The following SYNC variants were observed in gnomAD, a reference collection of about 807,000 sequenced individuals.
SYNC encodes the protein syncoilin.
SYNC carries 38 observed loss-of-function variants against 49.5 expected under a neutral mutation model. That is an observed-to-expected ratio of 0.77 (90% CI 0.59 to 1.01). The LOEUF is 1.01. SYNC is among the 50% of genes least tolerant of loss of function. The pLI is 0.00. For missense variants in SYNC, 579 were observed against 580.6 expected (o/e 1.00, Z 0.03); for synonymous variants, 201 against 230.8 (o/e 0.87, Z 1.17).
rs113016835 is a variant in SYNC, at chr1:32,681,557, T to G, written c.*293A>C. On this transcript the variant is annotated 3_prime_UTR_variant, in exon 5 of 5. Coordinates refer to ENST00000409190, the MANE Select transcript of SYNC (RefSeq NM_030786.3). ...ATTCATCCTTCACTCAGTGCATATGTGAGGGTTGTTGCTGGAAGACAGGAG... is the reference window on the plus strand; with the variant it reads ...ATTCATCCTTCACTCAGTGCATATGGGAGGGTTGTTGCTGGAAGACAGGAG... 7.4e-6 allele frequency: 4 copies of G among 540,678 alleles called. No individual in the cohort carries two copies. Among genetic ancestry groups the G allele is most frequent in the African/African-American group, 5.7e-5 (3 of 52,476 alleles). The allele number at this position is 540,678 out of a possible 1,614,324, so 33.5% of individuals were successfully genotyped here. A position where few individuals can be genotyped will look rare whatever the true frequency, so the allele number is the denominator to read the frequency against.
At chr1:32,685,793 A>G (rs1030327661) in intron 2 of SYNC, 1 of 152,244 alleles carries the variant, frequency 6.6e-6, no homozygotes, top group East Asian at 1.9e-4. Context: ...AAGCTGTGAC[A>G]GAGTGGAACA....
In SYNC at chr1:32,681,857, GC is replaced by G; in HGVS notation, c.1441del (p.Ala481LeufsTer10). 6.2e-7 allele frequency: 1 copy of G among 1,614,100 alleles called. No individual in the cohort carries two copies. The highest frequency in any genetic ancestry group is 8.5e-7 in the Non-Finnish European group (1 of 1,179,974). On this transcript the variant is annotated frameshift_variant and splice_region_variant, in exon 5 of 5. Coordinates refer to ENST00000409190, the MANE Select transcript of SYNC (RefSeq NM_030786.3). LOFTEE classifies it high-confidence loss of function. The part of the protein sequence containing the change: ...AGGMETQSQG[A>X]V ...AGATTTGGCCATATATTTCTAAACA[GC>G]CCCTGTAAAGTTGAAAGAAAAAGTT...
chr1:32,698,852 C>A (rs1304379942), intron 1 of SYNC, among the ~76,000 whole-genome samples: 1 of 150,810 alleles, frequency 6.6e-6, no homozygotes, highest in Non-Finnish European at 1.5e-5. Context: ...ATGATCATAG[C>A]TCACTGCAGC....
intron 2 of SYNC, chr1:32,686,316 C>G (rs1369915942): frequency 6.6e-6 from 1 of 152,184 alleles, no homozygotes; most frequent in Non-Finnish European, 1.5e-5. Context: ...CAACTCAGAT[C>G]TGTGTGCCTG....
rs765678917 is a variant in SYNC, at chr1:32,695,285, G to A, written c.813C>T (p.Ala271=). Residue 271 remains alanine, a synonymous_variant, in exon 2 of 5, where the codon GCC becomes GCT. Coordinates refer to ENST00000409190, the MANE Select transcript of SYNC (RefSeq NM_030786.3). Reference sequence around the variant, plus strand: ...TTGTAGTCAGCACTTCCCGGAAATCGGCAAACTGAGCCACGTCCTGCTGGC... The same window carrying A: ...TTGTAGTCAGCACTTCCCGGAAATCAGCAAACTGAGCCACGTCCTGCTGGC... ...ECRQQDVAQF[A]DFREVLTTRA... 4.3e-5 allele frequency: 66 copies of A among 1,551,478 alleles called. No homozygotes were observed. The highest frequency in any genetic ancestry group is 1.2e-4 in the Admixed American group (6 of 50,930).
Position 32,695,551 on chromosome 1 carries a change from C to T in SYNC, c.547G>A (p.Val183Ile). The change falls in exon 2 of 5, where the codon GTC becomes ATC. Residue 183 changes from valine to isoleucine, a missense_variant. By Grantham distance (29) the Val-to-Ile change is conservative (BLOSUM62 3). Transcript: ENST00000409190. The stretch of plus-strand genomic sequence containing the variant: ...TCTTCCAGCTGGGCCACAGCTTGGA[C>T]ACACTGCTGGAAACGCCCCTCTAGC... ...ELLEGRFQQC[V>I]QAVAQLEEER... 1 of 1,551,498 alleles carries T rather than the reference C, an allele frequency of 6.4e-7. No homozygotes were observed.
chr1:32,693,080 T>TG lies in SYNC; in HGVS notation c.1233+1784dup, dbSNP rs1553200327. 9.6e-3 allele frequency among the ~76,000 whole-genome samples: 1,318 copies of TG among 137,938 alleles called. 11 individuals are homozygous for TG. Among genetic ancestry groups the TG allele is most frequent in the Admixed American group, 0.017 (227 of 13,660 alleles). 90.5% of individuals were successfully genotyped at this position (137,938 alleles called of 152,430 possible). The stretch of plus-strand genomic sequence containing the variant: ...AAAACCACAGTGTTTTTTTTTTGTT[T>TG]GTTTGTTTTTGTTTGTTTTTGAGAT... On this transcript the variant is annotated intron_variant, in intron 2 of 4. Transcript: ENST00000409190.
chr1:32,695,392 T>G lies in SYNC; in HGVS notation c.706A>C (p.Arg236=). ...TGCTTGACCAGCCGGATCTCCTCCC[T>G]TAGGCCATCTCTCTCCAGCTCTGCT... ...AQAELERDGL[R]EEIRLVKQKL... Residue 236 remains arginine, a synonymous_variant, in exon 2 of 5, where the codon AGG becomes CGG. Transcript: ENST00000409190. 1 of 1,551,752 alleles carries G rather than the reference T, an allele frequency of 6.4e-7. No homozygotes were observed. The highest frequency in any genetic ancestry group is 2.4e-5 in the East Asian group (1 of 40,832).
chr1:32,697,267 C>T (rs1207257995), intron 1 of SYNC, among the ~76,000 whole-genome samples: 1 of 151,000 alleles, frequency 6.6e-6, no homozygotes, highest in African/African-American at 2.4e-5. Flanking sequence ...CATGGAGAAA[C>T]CCCATCTCTA....
intron 2 of SYNC, among the ~76,000 whole-genome samples, chr1:32,688,949 T>C (rs151165730): frequency 1.3e-5 from 2 of 151,202 alleles, no homozygotes; most frequent in East Asian, 2.0e-4. Context: ...ACTTTTTTTT[T>C]TCTTTTCTGA....
chr1:32,688,682 G>T (rs1650010602), intron 2 of SYNC, among the ~76,000 whole-genome samples: 1 of 150,442 alleles, frequency 6.6e-6, no homozygotes. Context: ...CACCTTGCGG[G>T]TTCAGGCAAT....
At chr1:32,700,155 T>A (rs563704949) in intron 1 of SYNC, among the ~76,000 whole-genome samples, 2 of 152,128 alleles carry the variant, frequency 1.3e-5, no homozygotes, top group Admixed American at 6.5e-5. Context: ...CAGCTGAGAA[T>A]TGCAGCTTCT....
intron 2 of SYNC, among the ~76,000 whole-genome samples, chr1:32,689,200 T>G (rs1650038286): frequency 6.9e-6 from 1 of 145,688 alleles, no homozygotes; most frequent in Non-Finnish European, 1.5e-5. Context: ...CCTCCCAAAG[T>G]GCTGGGATTA....
chr1:32,688,641 G>A (rs912456270), intron 2 of SYNC, among the ~76,000 whole-genome samples: 2 of 152,318 alleles, frequency 1.3e-5, no homozygotes, highest in South Asian at 4.1e-4. Context: ...TTGTCGCCCA[G>A]GCTGGAGTGC....
In SYNC at chr1:32,702,607, C is replaced by A; in HGVS notation, c.53+1G>T. On this transcript the variant is annotated splice_donor_variant, in intron 1 of 4. Coordinates refer to ENST00000409190, the MANE Select transcript of SYNC (RefSeq NM_030786.3). LOFTEE classifies it high-confidence loss of function. This position sits in a 1 kb window ranked among gnomAD's most constrained non-coding sequence, Gnocchi z 6.2. ...GCGACGCGGGCCCGGCACTGTCCTA[C>A]CTCGCGGCCTGGGCGGCGCCGTCCC... 8.2e-7 allele frequency: 1 copy of A among 1,225,986 alleles called. No individual in the cohort carries two copies. The highest frequency in any genetic ancestry group is 1.0e-6 in the Non-Finnish European group (1 of 984,346). 75.9% of individuals were successfully genotyped at this position (1,225,986 alleles called of 1,614,324 possible). A position where few individuals can be genotyped will look rare whatever the true frequency, so the allele number is the denominator to read the frequency against.
intron 4 of SYNC, 27 bp from the exon 5 acceptor site, chr1:32,681,887 A>T: frequency 6.2e-7 from 1 of 1,600,936 alleles, no homozygotes; most frequent in Non-Finnish European, 8.6e-7. Flanking sequence ...AAAAGTTTAT[A>T]ACAGTGAACT....
intron 2 of SYNC, among the ~76,000 whole-genome samples, chr1:32,687,005 TG>T (rs1257960357): frequency 6.6e-6 from 1 of 152,168 alleles, no homozygotes; most frequent in East Asian, 1.9e-4. Flanking sequence ...TAAAATTATC[TG>T]GGGGAGAAGG....
In SYNC at chr1:32,697,438, C is replaced by CA. The variant is rs113573501; in HGVS notation, c.54-1395dup. 4.8e-3 allele frequency among the ~76,000 whole-genome samples: 546 copies of CA among 113,858 alleles called. 4 individuals carry two copies. The highest frequency in any genetic ancestry group is 0.014 in the Middle Eastern group (2 of 148). 74.7% of individuals were successfully genotyped at this position (113,858 alleles called of 152,430 possible). ...GGGCAACAACAGCGAAACTCCGTCT[C>CA]AAAAAAAAAAAAAAGATAACCGTGG... is the stretch of plus-strand genomic sequence containing the variant. On this transcript the variant is annotated intron_variant, in intron 1 of 4. Coordinates refer to ENST00000409190, the MANE Select transcript of SYNC (RefSeq NM_030786.3).
intron 2 of SYNC, among the ~76,000 whole-genome samples, chr1:32,694,116 C>A (rs1650292908): frequency 1.3e-5 from 2 of 152,162 alleles, no homozygotes; most frequent in South Asian, 4.1e-4. Flanking sequence ...GTAGTCCCAG[C>A]TGCTTGGGGG....
Sources: gnomAD v4.1 joint callset for allele counts (sites outside exome capture counted in the v4.1 genomes callset) on GRCh38, gnomAD v4.1.1 for gene constraint, Gnocchi (gnomAD v3.1) non-coding constraint, MANE v1.5 for transcripts, NCBI Gene and HGNC (gene_info 2026-07-23, HGNC 2026-07-21) for gene names.